BACH2: variants seen among roughly 807,000 people sequenced by gnomAD.
BACH2 encodes the protein BACH transcriptional regulator 2.
In BACH2, 5 loss-of-function variants were observed where a neutral mutation model predicts 61.8. That is an observed-to-expected ratio of 0.08 (90% confidence interval 0.04 to 0.17). The LOEUF is 0.17. Ranked by LOEUF, BACH2 falls within the 10% of genes least tolerant of loss-of-function variation. The probability of loss-of-function intolerance (pLI) is 1.00; values close to 1 mark genes in which losing one functional copy is unlikely to be tolerated. For synonymous variants in BACH2, 446 were observed against 440.1 expected, an observed-to-expected ratio of 1.01 and a Z score of -0.17; for missense variants, 824 against 1,091.1, an observed-to-expected ratio of 0.76 and a Z score of 3.45.
At chr6:89,973,169 A>G (rs1187613620) in intron 6 of BACH2, among the ~76,000 whole-genome samples, 2 of 152,184 alleles carry the variant, frequency 1.3e-5, no homozygotes, top group Non-Finnish European at 2.9e-5. Context: ...CAGCAGGCTG[A>G]GGGAAGGGGA....
At chr6:89,944,200 G>A (rs1773599523) in intron 7 of BACH2, among the ~76,000 whole-genome samples, 1 of 152,234 alleles carries the variant, frequency 6.6e-6, no homozygotes, top group East Asian at 1.9e-4. Context: ...AGTTCTTGGA[G>A]GATCTAGGAG....
chr6:90,080,856 T>C, intron 5 of BACH2: 1 of 816,748 alleles, frequency 1.2e-6, no homozygotes, highest in Non-Finnish European at 1.5e-6. Context: ...TCATGCGCGG[T>C]ACTCGAGCAG....
At chr6:90,296,171 C>T (rs908741254) in intron 1 of BACH2, among the ~76,000 whole-genome samples, 1 of 152,120 alleles carries the variant, frequency 6.6e-6, no homozygotes, top group Non-Finnish European at 1.5e-5. Flanking sequence ...CCTCCCTCTG[C>T]TGTTCCAAAA....
chr6:90,197,069 A>C (rs1274503825), intron 4 of BACH2, among the ~76,000 whole-genome samples: 2 of 152,218 alleles, frequency 1.3e-5, no homozygotes, highest in African/African-American at 4.8e-5. Context: ...CACAGTATGA[A>C]GTTTTTTTAA....
chr6:90,293,960 A>G (rs1772259114), intron 1 of BACH2, among the ~76,000 whole-genome samples: 1 of 152,212 alleles, frequency 6.6e-6, no homozygotes, highest in Admixed American at 6.5e-5. Flanking sequence ...TTCAATAGGA[A>G]AATAATAAAT....
intron 4 of BACH2, among the ~76,000 whole-genome samples, chr6:90,181,664 C>G (rs886581450): frequency 2.0e-5 from 3 of 152,064 alleles, no homozygotes; most frequent in African/African-American, 7.2e-5. Flanking sequence ...TCACTGCAGC[C>G]TCGATCACCT....
intron 6 of BACH2, among the ~76,000 whole-genome samples, chr6:90,002,899 C>A (rs191620670): frequency 1.3e-5 from 2 of 152,192 alleles, no homozygotes; most frequent in African/African-American, 4.8e-5. Context: ...GGCCCTAAGC[C>A]TGGATGTTAT....
At chr6:90,203,924 C>T (rs1268500843) in intron 4 of BACH2, among the ~76,000 whole-genome samples, 2 of 152,128 alleles carry the variant, frequency 1.3e-5, no homozygotes, top group African/African-American at 2.4e-5. Context: ...GAAGGCCCTA[C>T]CTGATGGACA....
At chr6:90,041,000 T>C (rs1207498391) in intron 5 of BACH2, among the ~76,000 whole-genome samples, 2 of 152,210 alleles carry the variant, frequency 1.3e-5, no homozygotes, top group Non-Finnish European at 2.9e-5. Flanking sequence ...TGTGCAATCA[T>C]ATCATCTGCA....
chr6:89,993,956 A>G (rs188159189), intron 6 of BACH2, among the ~76,000 whole-genome samples: 3 of 152,296 alleles, frequency 2.0e-5, no homozygotes, highest in Admixed American at 2.0e-4. Context: ...GATTAATATG[A>G]AAACATGCCC....
intron 4 of BACH2, among the ~76,000 whole-genome samples, chr6:90,188,003 G>C (rs1248377976): frequency 6.6e-6 from 1 of 152,144 alleles, no homozygotes; most frequent in Non-Finnish European, 1.5e-5. Context: ...AGTTCAGAAG[G>C]TGCTGGCAAG....
chr6:89,936,085 C>T (rs548353902), intron 8 of BACH2, among the ~76,000 whole-genome samples: 273 of 152,338 alleles, frequency 1.8e-3, no homozygotes, highest in African/African-American at 6.2e-3. Context: ...ATTTTCTGGG[C>T]GCCAGCAATG....
chr6:90,249,100 T>C (rs1770726047), intron 3 of BACH2, among the ~76,000 whole-genome samples: 1 of 152,198 alleles, frequency 6.6e-6, no homozygotes, highest in Non-Finnish European at 1.5e-5. Context: ...AAAAAATGAC[T>C]AGGTAAGATG....
rs1351131338 is a variant in BACH2, at chr6:89,930,065, T to C, written c.*2343A>G. On this transcript the variant is annotated 3_prime_UTR_variant, in exon 9 of 9. Coordinates refer to ENST00000257749, the MANE Select transcript of BACH2 (RefSeq NM_021813.4). ...GTAGGCCAAGAAATTCCAACAACCATAACAAAAACCAGCAGCTCCAACACA... is the reference window on the plus strand; with the variant it reads ...GTAGGCCAAGAAATTCCAACAACCACAACAAAAACCAGCAGCTCCAACACA... The C allele has an allele frequency of 6.9e-6, 1 of 144,658 alleles. No homozygotes were observed. The highest frequency in any genetic ancestry group is 2.6e-5 in the African/African-American group (1 of 38,234). The allele number at this position is 144,658 out of a possible 1,614,324, so 9.0% of individuals were successfully genotyped here. A position where few individuals can be genotyped will look rare whatever the true frequency, so the allele number is the denominator to read the frequency against.
intron 5 of BACH2, among the ~76,000 whole-genome samples, chr6:90,083,949 T>C (rs1248702461): frequency 2.6e-5 from 4 of 152,208 alleles, no homozygotes; most frequent in African/African-American, 4.8e-5. Context: ...ATAAAACATC[T>C]AACCATTCTC....
chr6:90,103,025 ATATATT>A (rs1782732834), intron 4 of BACH2, among the ~76,000 whole-genome samples: 1 of 27,508 alleles, frequency 3.6e-5, no homozygotes, highest in Non-Finnish European at 7.2e-5. Context: ...ATATATATAT[ATATATT>A]TTTTTTTTTT....
At chr6:90,102,262 T>C (rs1255442581) in intron 4 of BACH2, among the ~76,000 whole-genome samples, 1 of 152,108 alleles carries the variant, frequency 6.6e-6, no homozygotes, top group African/African-American at 2.4e-5. Flanking sequence ...CATATAATGA[T>C]TTGAAAAGTT....
At chr6:90,050,692 C>G (rs1464141204) in intron 5 of BACH2, among the ~76,000 whole-genome samples, 4 of 151,650 alleles carry the variant, frequency 2.6e-5, no homozygotes, top group African/African-American at 9.7e-5. Flanking sequence ...CTAATAGATA[C>G]TTTAAATGTT....
At chr6:89,991,699 G>A (rs1414046899) in intron 6 of BACH2, among the ~76,000 whole-genome samples, 2 of 151,784 alleles carry the variant, frequency 1.3e-5, no homozygotes, top group Non-Finnish European at 2.9e-5. Flanking sequence ...AGTGCTCCAA[G>A]GATGTCCTTT....
Sources: allele counts gnomAD v4.1 joint callset (sites outside exome capture counted in the v4.1 genomes callset), GRCh38; gene constraint gnomAD v4.1.1; transcripts MANE v1.5; gene names NCBI Gene and HGNC (gene_info 2026-07-23, HGNC 2026-07-21).